RFX6: variants seen among roughly 807,000 people sequenced by gnomAD.
RFX6 encodes DNA-binding protein RFX6.
In RFX6, 50 loss-of-function variants were observed where a neutral mutation model predicts 110.8. The observed-to-expected ratio is 0.45, with a 90% CI of 0.36 to 0.57. RFX6 has a LOEUF of 0.57. Ranked by LOEUF, RFX6 falls within the 20% of genes least tolerant of loss-of-function variation. RFX6 has a pLI of 0.00. For missense variants in RFX6, 990 were observed against 1,127.0 expected, an observed-to-expected ratio of 0.88 and a Z score of 1.74; for synonymous variants, 383 against 411.2, an observed-to-expected ratio of 0.93 and a Z score of 0.83.
intron 6 of RFX6, among the ~76,000 whole-genome samples, chr6:116,899,919 A>C (rs1775029331): frequency 6.6e-6 from 1 of 152,190 alleles, no homozygotes; most frequent in South Asian, 2.1e-4. Context: ...TGACAATAAA[A>C]TTATATCCAT....
intron 4 of RFX6, among the ~76,000 whole-genome samples, chr6:116,891,749 C>G (rs1004872899): frequency 6.6e-6 from 1 of 152,134 alleles, no homozygotes. Flanking sequence ...AAATATTTCT[C>G]TTACCTATAT....
chr6:116,905,993 T>A (rs1379794867), intron 6 of RFX6, among the ~76,000 whole-genome samples: 14 of 152,192 alleles, frequency 9.2e-5, no homozygotes, highest in Admixed American at 9.2e-4. Flanking sequence ...CTCCTACATT[T>A]AGATATTTGA....
chr6:116,925,568 C>T lies in RFX6; in HGVS notation c.1794C>T (p.Thr598=), dbSNP rs756306464. 1.2e-6 allele frequency: 2 copies of T among 1,612,896 alleles called. No homozygotes were observed. Among genetic ancestry groups the T allele is most frequent in the South Asian group, 2.2e-5 (2 of 91,064 alleles). Residue 598 remains threonine (T), a synonymous_variant, in exon 16 of 19, where the codon ACC becomes ACT. Transcript: ENST00000332958. ...AVKNESHVET[T]YLPLPSSQPG... is the part of the protein sequence containing the mutation. ...AGAATGAAAGCCACGTGGAGACAAC[C>T]TATCTCCCTCTGCCATCCAGTCAAC...
chr6:116,920,307 C>T lies in RFX6; in HGVS notation c.1183-3C>T. 20 of 1,607,700 alleles carry T rather than the reference C, an allele frequency of 1.2e-5. No homozygotes were observed. Among genetic ancestry groups the T allele is most frequent in the South Asian group, 5.5e-5 (5 of 90,934 alleles). On this transcript the variant is annotated splice_region_variant and splice_polypyrimidine_tract_variant and intron_variant, in intron 11 of 18. Transcript: ENST00000332958. Reference sequence around the variant, plus strand: ...TAGTGTCTTCTTTACTTTCTCTATGCAGATTGCCAGACCAGCTCTCTTTGA... The same window carrying T: ...TAGTGTCTTCTTTACTTTCTCTATGTAGATTGCCAGACCAGCTCTCTTTGA...
intron 4 of RFX6, among the ~76,000 whole-genome samples, chr6:116,893,380 A>G (rs1774871822): frequency 6.6e-6 from 1 of 152,224 alleles, no homozygotes; most frequent in South Asian, 2.1e-4. Context: ...CCACTGGCAT[A>G]TTTAAAACAA....
intron 10 of RFX6, 74 bp downstream of exon 10, chr6:116,918,160 TTAGG>T: frequency 9.7e-7 from 1 of 1,027,690 alleles, no homozygotes; most frequent in Non-Finnish European, 1.5e-6. Flanking sequence ...GAAGAAAACA[TTAGG>T]TAGTAATTTA....
Position 116,882,435 on chromosome 6 carries a change from T to A in RFX6, c.566+7T>A. ...GAACAAGAGGCCATTCAAAGTAAGA[T>A]ACCAGTGAACATATTCAGGTTCTGC... On this transcript the variant is annotated splice_region_variant and intron_variant, in intron 4 of 18. Coordinates refer to ENST00000332958, the MANE Select transcript of RFX6 (RefSeq NM_173560.4). 2 of 1,603,100 alleles carry A rather than the reference T, an allele frequency of 1.2e-6. No individual in the cohort carries two copies. The highest frequency in any genetic ancestry group is 1.7e-6 in the Non-Finnish European group (2 of 1,170,112).
intron 9 of RFX6, among the ~76,000 whole-genome samples, chr6:116,917,238 A>C (rs1775486349): frequency 2.6e-5 from 4 of 152,064 alleles, no homozygotes; most frequent in African/African-American, 4.8e-5. Flanking sequence ...GTACTTCCTC[A>C]TCACAGGATA....
intron 6 of RFX6, among the ~76,000 whole-genome samples, chr6:116,909,555 TAATA>T (rs921912255): frequency 4.6e-5 from 7 of 151,628 alleles, no homozygotes; most frequent in African/African-American, 1.7e-4. Flanking sequence ...TAAGATAGAT[TAATA>T]AATAGAGTGG....
chr6:116,915,228 G>A (rs1466877452), intron 7 of RFX6, among the ~76,000 whole-genome samples: 1 of 152,070 alleles, frequency 6.6e-6, no homozygotes, highest in Non-Finnish European at 1.5e-5. Flanking sequence ...AAATATCCAT[G>A]GTAACTTGAA....
At chr6:116,884,370 T>C (rs1178778806) in intron 4 of RFX6, among the ~76,000 whole-genome samples, 1 of 152,192 alleles carries the variant, frequency 6.6e-6, no homozygotes, top group African/African-American at 2.4e-5. Flanking sequence ...TGTTGGTCGA[T>C]ATATAATAGA....
chr6:116,882,291 C>T, intron 3 of RFX6, 76 bp from the exon 4 acceptor site: 1 of 1,010,818 alleles, frequency 9.9e-7, no homozygotes, highest in Non-Finnish European at 1.6e-6. Flanking sequence ...TTACTTTCCC[C>T]AAGTAATTGG....
intron 6 of RFX6, among the ~76,000 whole-genome samples, chr6:116,902,543 A>G (rs1183255282): frequency 6.6e-6 from 1 of 152,106 alleles, no homozygotes; most frequent in Non-Finnish European, 1.5e-5. Context: ...GGAATAAAAC[A>G]AATGAACAAA....
At position 116,925,552 on chromosome 6, in the gene RFX6, G is replaced by T; in HGVS notation, c.1778G>T (p.Ser593Ile). The T allele has an allele frequency of 6.2e-7, 1 of 1,614,036 alleles. No homozygotes were observed. Among genetic ancestry groups the T allele is most frequent in the Non-Finnish European group, 8.5e-7 (1 of 1,179,910 alleles). The change falls in exon 16 of 19, where the codon AGC becomes ATC. Residue 593 changes from serine (S) to isoleucine (I), a missense_variant. Transcript: ENST00000332958. Reference protein sequence around the residue: ...MVSSDAVKNESHVETTYLPLP... With the variant: ...MVSSDAVKNEIHVETTYLPLP... ...TCCAGCGACGCTGTGAAGAATGAAA[G>T]CCACGTGGAGACAACCTATCTCCCT...
At chr6:116,929,639 G>A (rs960981774) in intron 18 of RFX6, among the ~76,000 whole-genome samples, 4 of 152,074 alleles carry the variant, frequency 2.6e-5, no homozygotes, top group African/African-American at 9.7e-5. Flanking sequence ...TAATTAGTAT[G>A]TTATTAGTAA....
rs1381184652 is a variant in RFX6 at position 116,928,773 on chromosome 6, A to C, written c.2413A>C (p.Asn805His). ...PNSPNGYYGSNINYPESHRLG... is the reference protein window; with the variant it reads ...PNSPNGYYGSHINYPESHRLG... ...TTCTGTTACAGGATACTATGGAAGCAACATAAACTACCCAGAGTCTCACAG... is the reference window on the plus strand; with the variant it reads ...TTCTGTTACAGGATACTATGGAAGCCACATAAACTACCCAGAGTCTCACAG... The change falls in exon 18 of 19, where the codon AAC becomes CAC. Residue 805 changes from asparagine (N) to histidine (H), a missense_variant. Physicochemically the swap from Asn to His is moderately conservative, Grantham distance 68. Around this residue, in one of 5 missense-constraint regions of RFX6, gnomAD observed 438 missense variants for 441.9 expected, o/e 0.99. Coordinates refer to ENST00000332958, the MANE Select transcript of RFX6 (RefSeq NM_173560.4). 6.2e-7 allele frequency: 1 copy of C among 1,612,680 alleles called. No individual in the cohort carries two copies.
chr6:116,906,145 T>A (rs376010350), intron 6 of RFX6, among the ~76,000 whole-genome samples: 1 of 152,206 alleles, frequency 6.6e-6, no homozygotes, highest in African/African-American at 2.4e-5. Flanking sequence ...CCCCATAGAA[T>A]GGTTTTGGCA....
chr6:116,914,400 T>G (rs963255609), intron 7 of RFX6, among the ~76,000 whole-genome samples: 2 of 152,192 alleles, frequency 1.3e-5, no homozygotes, highest in Non-Finnish European at 2.9e-5. Flanking sequence ...AGAGCAGATA[T>G]CTCTCTTTGA....
At position 116,877,780 on chromosome 6, in the gene RFX6, T is replaced by G. The variant is rs766627457; in HGVS notation, c.224-16T>G. The stretch of plus-strand genomic sequence containing the variant: ...ATATTCTATTTTTCTTTATCATCCC[T>G]TCAACTGGCAATCAGAAATGCACTT... On this transcript the variant is annotated splice_polypyrimidine_tract_variant and intron_variant, in intron 1 of 18. Coordinates refer to ENST00000332958, the MANE Select transcript of RFX6 (RefSeq NM_173560.4). 2 of 1,595,574 alleles carry G rather than the reference T, an allele frequency of 1.3e-6. No homozygotes were observed. Among genetic ancestry groups the G allele is most frequent in the Non-Finnish European group, 1.7e-6 (2 of 1,168,068 alleles).
Sources: gnomAD v4.1 joint callset for allele counts (sites outside exome capture counted in the v4.1 genomes callset) on GRCh38, gnomAD v4.1.1 for gene constraint, gnomAD v4.1.1 regional missense constraint, MANE v1.5 for transcripts, NCBI Gene and HGNC (gene_info 2026-07-23, HGNC 2026-07-21) for gene names.